Variants in RECQL5 observed in about 807,000 individuals in gnomAD.
RECQL5 encodes the protein ATP-dependent DNA helicase Q5.
In RECQL5, 88 loss-of-function variants were observed where a neutral mutation model predicts 103.4. That is an observed-to-expected ratio of 0.85 (90% CI 0.72 to 1.02). The LOEUF (loss-of-function observed/expected upper bound fraction) is 1.02, where lower values mean the gene tolerates loss of function less well. Among genes scored for constraint, RECQL5 ranks in the 50% least tolerant of loss-of-function variants. The pLI is 0.00. For synonymous variants in RECQL5, 552 were observed against 507.9 expected, an observed-to-expected ratio of 1.09 and a Z score of -1.17; for missense variants, 1,232 against 1,284.3, an observed-to-expected ratio of 0.96 and a Z score of 0.62.
chr17:75,658,248 C>T, intron 7 of RECQL5, 50 bp downstream of exon 7: 1 of 1,574,288 alleles, frequency 6.4e-7, no homozygotes, highest in South Asian at 1.2e-5. Context: ...CTTCACAAAA[C>T]TGGAGAGTGG....
intron 8 of RECQL5, among the ~76,000 whole-genome samples, chr17:75,645,271 A>G (rs931206386): frequency 2.0e-5 from 3 of 152,228 alleles, no homozygotes; most frequent in Admixed American, 6.5e-5. Flanking sequence ...AAGTCATCCC[A>G]AAGTAGTCAA....
chr17:75,630,849 G>C lies in RECQL5; in HGVS notation c.1586-12C>G, dbSNP rs562186253. On this transcript the variant is annotated splice_polypyrimidine_tract_variant and intron_variant, in intron 11 of 19. Transcript: ENST00000317905. ...GGGACAGTTCTCATCTGTGGGGGGG[G>C]GGGGTGGTCCTTGGTCCTTTCGCTC... 12 of 1,457,862 alleles carry C rather than the reference G, an allele frequency of 8.2e-6. 1 individual carries two copies. In the Admixed American group the frequency reaches 1.1e-4, roughly 13 times the overall value. 90.3% of individuals were successfully genotyped at this position (1,457,862 alleles called of 1,614,324 possible).
chr17:75,666,679 A>C, intron 1 of RECQL5, 108 bp from the exon 2 acceptor site: 1 of 1,064,940 alleles, frequency 9.4e-7, no homozygotes, highest in Non-Finnish European at 1.3e-6. Flanking sequence ...ATTACACTTA[A>C]ATAATGTATT....
At position 75,629,304 on chromosome 17, in the gene RECQL5, C is replaced by A. The variant is rs766393153; in HGVS notation, c.2119G>T (p.Glu707Ter). 2 of 1,560,554 alleles carry A rather than the reference C, an allele frequency of 1.3e-6. No homozygotes were observed. Among genetic ancestry groups the A allele is most frequent in the Non-Finnish European group, 1.7e-6 (2 of 1,151,340 alleles). ...TCCCCTCTGGGCCCAGGGAGGGGCTCACTCCCATCCTCATCCAGGAGGCCA... is the reference window on the plus strand; with the variant it reads ...TCCCCTCTGGGCCCAGGGAGGGGCTAACTCCCATCCTCATCCAGGAGGCCA... ...PCGLLDEDGS[E>*]PLPGPRGEVP... The change falls in exon 16 of 20, where the codon GAG becomes TAG. Residue 707 changes from glutamate to a stop codon, truncating the protein, a stop_gained. Coordinates refer to ENST00000317905, the MANE Select transcript of RECQL5 (RefSeq NM_004259.7). LOFTEE classifies it high-confidence loss of function.
In RECQL5 at chr17:75,665,040, C is replaced by G. The variant is rs749095295; in HGVS notation, c.252+11G>C. 11 of 1,581,808 alleles carry G rather than the reference C, an allele frequency of 7.0e-6. No individual in the cohort carries two copies. Among genetic ancestry groups the G allele is most frequent in the Non-Finnish European group, 8.6e-6 (10 of 1,168,546 alleles). On this transcript the variant is annotated intron_variant, in intron 3 of 19. Coordinates refer to ENST00000317905, the MANE Select transcript of RECQL5 (RefSeq NM_004259.7). Reference sequence around the variant, plus strand: ...TTTTTGGGCTACCATCTTCATTGCCCTAAGCCTCACCTGAATCAAAGCAAT... The same window carrying G: ...TTTTTGGGCTACCATCTTCATTGCCGTAAGCCTCACCTGAATCAAAGCAAT...
At chr17:75,654,374 T>A (rs1287645542) in intron 7 of RECQL5, among the ~76,000 whole-genome samples, 1 of 152,188 alleles carries the variant, frequency 6.6e-6, no homozygotes, top group Admixed American at 6.5e-5. Context: ...CTGGACCAGT[T>A]TTCCCTAGGC....
intron 8 of RECQL5, among the ~76,000 whole-genome samples, chr17:75,644,866 G>C (rs1197069126): frequency 6.6e-6 from 1 of 151,284 alleles, no homozygotes; most frequent in Non-Finnish European, 1.5e-5. Context: ...GGGGCCGGCA[G>C]TTAATTGAAA....
intron 1 of RECQL5, 162 bp from the exon 2 acceptor site, chr17:75,666,733 C>T (rs931444854): frequency 3.0e-6 from 2 of 657,928 alleles, no homozygotes; most frequent in African/African-American, 3.7e-5. Flanking sequence ...TCAAGCAATA[C>T]ATTCCTCAGT....
Position 75,640,475 on chromosome 17 carries a change from C to T in RECQL5, c.1230-8807G>A. The T allele has an allele frequency of 3.1e-6, 4 of 1,310,574 alleles. No homozygotes were observed. Among genetic ancestry groups the T allele is most frequent in the Non-Finnish European group, 4.1e-6 (4 of 982,606 alleles). The allele number at this position is 1,310,574 out of a possible 1,614,324, so 81.2% of individuals were successfully genotyped here. On this transcript the variant is annotated intron_variant, in intron 8 of 19. Coordinates refer to ENST00000317905, the MANE Select transcript of RECQL5 (RefSeq NM_004259.7). The surrounding 1 kb of genome is among the most constrained non-coding windows in gnomAD (Gnocchi z 4.6). ...TTGTCCCTTGGGGGAAGCCAAGGGA[C>T]TTCCCTCATCCTCTGATATGCTGCT...
chr17:75,666,501 C>A lies in RECQL5; in HGVS notation c.57G>T (p.Thr19=). ...AGTCAAACCCAAAGACCTTCTTCAGCGTACTCCGGACTCGCCGCTCAGGGT... is the reference window on the plus strand; with the variant it reads ...AGTCAAACCCAAAGACCTTCTTCAGAGTACTCCGGACTCGCCGCTCAGGGT... ...PFDPERRVRS[T]LKKVFGFDSF... The change falls in exon 2 of 20, where the codon ACG becomes ACT. Residue 19 remains threonine (T), a synonymous_variant. Transcript: ENST00000317905. 1 of 1,614,126 alleles carries A rather than the reference C, an allele frequency of 6.2e-7. No individual in the cohort carries two copies. The highest frequency in any genetic ancestry group is 1.3e-5 in the African/African-American group (1 of 75,014).
In RECQL5 at chr17:75,666,485, CA is replaced by C; in HGVS notation, c.72del (p.Phe24LeufsTer18). 6.2e-7 allele frequency: 1 copy of C among 1,614,084 alleles called. No homozygotes were observed. Among genetic ancestry groups the C allele is most frequent in the Non-Finnish European group, 8.5e-7 (1 of 1,180,024 alleles). ...RRVRSTLKKV[F>X]GFDSFKTPLQ... is the part of the protein sequence containing the mutation. ...AAAGGCGTCTTAAAAGAGTCAAACC[CA>C]AAGACCTTCTTCAGCGTACTCCGGA... On this transcript the variant is annotated frameshift_variant, in exon 2 of 20. Coordinates refer to ENST00000317905, the MANE Select transcript of RECQL5 (RefSeq NM_004259.7). LOFTEE classifies it high-confidence loss of function.
intron 1 of RECQL5, 60 bp from the exon 2 acceptor site, chr17:75,666,631 T>C (rs2059787674): frequency 1.3e-6 from 2 of 1,500,914 alleles, no homozygotes; most frequent in Admixed American, 4.2e-5. Flanking sequence ...CTGTTTTGCA[T>C]TAAAAATACA....
At position 75,661,715 on chromosome 17, in the gene RECQL5, G is replaced by A. The variant is rs2059701887; in HGVS notation, c.772-7C>T. 6.2e-7 allele frequency: 1 copy of A among 1,606,426 alleles called. No homozygotes were observed. Among genetic ancestry groups the A allele is most frequent in the Non-Finnish European group, 8.5e-7 (1 of 1,173,300 alleles). ...CAATGCCGCAGCCAGATAACTGAAT[G>A]GGGAGATGCAGGAAGAAAATAAGCA... is the stretch of plus-strand genomic sequence containing the variant. On this transcript the variant is annotated splice_region_variant and splice_polypyrimidine_tract_variant and intron_variant, in intron 4 of 19. Coordinates refer to ENST00000317905, the MANE Select transcript of RECQL5 (RefSeq NM_004259.7).
intron 8 of RECQL5, among the ~76,000 whole-genome samples, chr17:75,635,197 G>A (rs2059295782): frequency 6.6e-6 from 1 of 152,240 alleles, no homozygotes; most frequent in Admixed American, 6.5e-5. Flanking sequence ...AGAGGCTGGG[G>A]GCTTCGGCTG....
Position 75,631,537 on chromosome 17 carries a change from C to T in RECQL5, c.1361G>A (p.Ser454Asn). 6.2e-7 allele frequency: 1 copy of T among 1,613,230 alleles called. No individual in the cohort carries two copies. The highest frequency in any genetic ancestry group is 2.2e-5 in the East Asian group (1 of 44,888). Residue 454 changes from serine to asparagine, a missense_variant, in exon 9 of 20, where the codon AGC becomes AAC. Transcript: ENST00000317905. The stretch of plus-strand genomic sequence containing the variant: ...CTGGGAGGGCCCGATGCAGGTCTTG[C>T]TCCAGCTGCTGCTGCGCTCCAAGGC... ...LEALERSSSW[S>N]KTCIGPSQGN...
chr17:75,654,629 A>AT (rs891297689), intron 7 of RECQL5, among the ~76,000 whole-genome samples: 2 of 151,508 alleles, frequency 1.3e-5, no homozygotes, highest in Non-Finnish European at 2.9e-5. Flanking sequence ...TTATTTATTT[A>AT]TTTTTTTGGA....
In RECQL5 at chr17:75,658,458, A is replaced by AT. The variant is rs1248529480; in HGVS notation, c.988_989insA (p.Phe330TyrfsTer38). The AT allele has an allele frequency of 6.2e-7, 1 of 1,613,464 alleles. No individual in the cohort carries two copies. Among genetic ancestry groups the AT allele is most frequent in the Non-Finnish European group, 8.5e-7 (1 of 1,179,610 alleles). Reference sequence around the variant, plus strand: ...CTTGGCAATATTCCAATGGGCGACAAACCTGTAGGATCCAAAGGGACAAGC... The same window carrying AT: ...CTTGGCAATATTCCAATGGGCGACAATACCTGTAGGATCCAAAGGGACAAGC... On this transcript the variant is annotated frameshift_variant and splice_region_variant, in exon 7 of 20. Coordinates refer to ENST00000317905, the MANE Select transcript of RECQL5 (RefSeq NM_004259.7). LOFTEE classifies it high-confidence loss of function.
At position 75,658,289 on chromosome 17, in the gene RECQL5, A is replaced by T; in HGVS notation, c.1149+9T>A. ...CAGACTGAAAGACCTTCTACTGCCCAAGCCTTACCTGGAGTTTTGCTACTT... is the reference window on the plus strand; with the variant it reads ...CAGACTGAAAGACCTTCTACTGCCCTAGCCTTACCTGGAGTTTTGCTACTT... On this transcript the variant is annotated intron_variant, in intron 7 of 19. Transcript: ENST00000317905. The T allele has an allele frequency of 6.2e-7, 1 of 1,612,710 alleles. No homozygotes were observed. The highest frequency in any genetic ancestry group is 8.5e-7 in the Non-Finnish European group (1 of 1,179,166).
Position 75,627,450 on chromosome 17 carries a change from C to A in RECQL5, c.2948G>T (p.Trp983Leu). Reference protein sequence around the residue: ...GRARCESEADWHGLCGPQR With the variant: ...GRARCESEADLHGLCGPQR Reference sequence around the variant, plus strand: ...TCTCTGGGGGCCACACAGGCCATGCCAGTCAGCTTCGCTCTCGCACCGGGC... The same window carrying A: ...TCTCTGGGGGCCACACAGGCCATGCAAGTCAGCTTCGCTCTCGCACCGGGC... Residue 983 changes from tryptophan (W) to leucine (L), a missense_variant, in exon 20 of 20, where the codon TGG (tryptophan) becomes TTG (leucine). Physicochemically the swap from Trp to Leu is moderately conservative, Grantham distance 61 (BLOSUM62 -2). Transcript: ENST00000317905. 6.2e-7 allele frequency: 1 copy of A among 1,613,668 alleles called. No homozygotes were observed. The highest frequency in any genetic ancestry group is 8.5e-7 in the Non-Finnish European group (1 of 1,180,022).
Sources: allele counts gnomAD v4.1 joint callset (sites outside exome capture counted in the v4.1 genomes callset), GRCh38; gene constraint gnomAD v4.1.1; non-coding constraint Gnocchi (gnomAD v3.1); transcripts MANE v1.5; gene names NCBI Gene and HGNC (gene_info 2026-07-23, HGNC 2026-07-21).